GOLGA4: variants seen among roughly 807,000 people sequenced by gnomAD.
The protein encoded by GOLGA4 is golgin A4, also known as golgin subfamily A member 4.
A neutral mutation model predicts 265.9 loss-of-function variants in GOLGA4; 169 were observed. The observed-to-expected ratio is 0.64, with a 90% CI of 0.56 to 0.72. The LOEUF is 0.72. Among genes scored for constraint, GOLGA4 ranks in the 30% least tolerant of loss-of-function variants. GOLGA4 has a pLI of 0.00. For missense variants in GOLGA4, 2,482 were observed against 2,483.4 expected (o/e 1.00, Z 0.01); for synonymous variants, 923 against 855.8 (o/e 1.08, Z -1.37).
At position 37,366,304 on chromosome 3, in the gene GOLGA4, A is replaced by G; in HGVS notation, c.*258A>G. The G allele has an allele frequency of 2.2e-6, 1 of 445,026 alleles. No individual in the cohort carries two copies. The highest frequency in any genetic ancestry group is 3.9e-6 in the Non-Finnish European group (1 of 253,296). 27.6% of individuals were successfully genotyped at this position (445,026 alleles called of 1,614,324 possible). On this transcript the variant is annotated 3_prime_UTR_variant, in exon 24 of 24. Coordinates refer to ENST00000361924, the MANE Select transcript of GOLGA4 (RefSeq NM_002078.5). ...GTTTTTTCTTCAGTTTTCTCTTGGG[A>G]AGAGTTTTATGTTGTTTAAAAGATA...
At chr3:37,330,154 C>T (rs79627507) in intron 16 of GOLGA4, among the ~76,000 whole-genome samples, 5,799 of 150,424 alleles carry the variant, frequency 0.039, 140 homozygotes, top group African/African-American at 0.056. Flanking sequence ...TCTTGAATGC[C>T]TAGAGAGTGT....
At chr3:37,355,568 T>C (rs539730486) in intron 22 of GOLGA4, among the ~76,000 whole-genome samples, 2 of 152,246 alleles carry the variant, frequency 1.3e-5, no homozygotes, top group East Asian at 1.9e-4. Flanking sequence ...CAGTTCTTTA[T>C]TGCATTCCAG....
At chr3:37,307,335 T>C (rs1578612755) in intron 10 of GOLGA4, among the ~76,000 whole-genome samples, 1 of 152,250 alleles carries the variant, frequency 6.6e-6, no homozygotes, top group East Asian at 1.9e-4. Flanking sequence ...TGAAGGACTC[T>C]TTAAAATAGT....
At chr3:37,336,024 A>G (rs2097010778) in intron 17 of GOLGA4, among the ~76,000 whole-genome samples, 1 of 152,230 alleles carries the variant, frequency 6.6e-6, no homozygotes, top group African/African-American at 2.4e-5. Context: ...GTCAGTTACC[A>G]GGTAACAATT....
intron 2 of GOLGA4, among the ~76,000 whole-genome samples, chr3:37,268,514 T>C (rs1177314466): frequency 1.3e-5 from 2 of 152,190 alleles, no homozygotes; most frequent in Non-Finnish European, 2.9e-5. Flanking sequence ...TCATTTGTAT[T>C]GAGTACTTAT....
intron 21 of GOLGA4, among the ~76,000 whole-genome samples, chr3:37,349,932 G>A (rs1194803032): frequency 6.6e-6 from 1 of 152,156 alleles, no homozygotes; most frequent in Non-Finnish European, 1.5e-5. Flanking sequence ...CGTTCTTGTA[G>A]TATGGAGTTA....
At chr3:37,328,634 T>A in intron 15 of GOLGA4, 97 bp downstream of exon 15, 1 of 1,099,222 alleles carries the variant, frequency 9.1e-7, no homozygotes, top group Non-Finnish European at 1.3e-6. Flanking sequence ...ATTAAGTCAT[T>A]AAACTGGGGA....
intron 22 of GOLGA4, 68 bp from the exon 23 acceptor site, chr3:37,361,171 CACAT>C: frequency 3.6e-6 from 4 of 1,117,398 alleles, no homozygotes; most frequent in Non-Finnish European, 5.5e-6. Context: ...ACTTCATATA[CACAT>C]ACAATCTATG....
At chr3:37,353,433 T>G (rs1232561093) in intron 21 of GOLGA4, among the ~76,000 whole-genome samples, 4 of 152,108 alleles carry the variant, frequency 2.6e-5, no homozygotes, top group African/African-American at 9.7e-5. Flanking sequence ...TTTCTAGACT[T>G]CAGTTTAACA....
chr3:37,336,106 C>T (rs1173513852), intron 17 of GOLGA4, among the ~76,000 whole-genome samples: 2 of 152,224 alleles, frequency 1.3e-5, no homozygotes, highest in Non-Finnish European at 2.9e-5. Context: ...AGCTTTGCTA[C>T]TCTGTGTCAC....
chr3:37,358,638 T>C (rs1185337997), intron 22 of GOLGA4, among the ~76,000 whole-genome samples: 2 of 152,210 alleles, frequency 1.3e-5, no homozygotes, highest in Non-Finnish European at 2.9e-5. Context: ...CGCTGAGTGA[T>C]AATGTAGGGA....
intron 3 of GOLGA4, among the ~76,000 whole-genome samples, chr3:37,284,066 A>T (rs2096841705): frequency 6.6e-6 from 1 of 152,158 alleles, no homozygotes; most frequent in Non-Finnish European, 1.5e-5. Context: ...AAAAGAACTC[A>T]TAGACTTTGT....
chr3:37,335,794 T>A (rs1259296499), intron 17 of GOLGA4, among the ~76,000 whole-genome samples: 1 of 151,784 alleles, frequency 6.6e-6, no homozygotes, highest in Non-Finnish European at 1.5e-5. Flanking sequence ...TAAGTAAAAT[T>A]GACACTATGA....
intron 11 of GOLGA4, among the ~76,000 whole-genome samples, chr3:37,317,287 A>G (rs940946185): frequency 6.6e-6 from 1 of 152,098 alleles, no homozygotes; most frequent in Non-Finnish European, 1.5e-5. Context: ...CTCCTGCCTC[A>G]GCCTCCTGAG....
intron 2 of GOLGA4, among the ~76,000 whole-genome samples, chr3:37,261,861 C>G (rs2096770648): frequency 6.6e-6 from 1 of 152,034 alleles, no homozygotes; most frequent in Non-Finnish European, 1.5e-5. Flanking sequence ...GTGATAACCC[C>G]TATATTGCCA....
At chr3:37,318,174 A>G (rs1306183490) in intron 11 of GOLGA4, among the ~76,000 whole-genome samples, 1 of 152,008 alleles carries the variant, frequency 6.6e-6, no homozygotes, top group African/African-American at 2.4e-5. Flanking sequence ...TCTCCAAATC[A>G]TTTATTTAGT....
At chr3:37,333,462 A>G (rs896767698) in intron 16 of GOLGA4, among the ~76,000 whole-genome samples, 8 of 152,192 alleles carry the variant, frequency 5.3e-5, no homozygotes, top group African/African-American at 1.7e-4. Context: ...GAAATGACAC[A>G]TCAAAGATTC....
chr3:37,287,802 T>C (rs554060302), intron 4 of GOLGA4, among the ~76,000 whole-genome samples: 1 of 152,356 alleles, frequency 6.6e-6, no homozygotes, highest in African/African-American at 2.4e-5. Flanking sequence ...GTTTTTGTTT[T>C]ATTCACTTAC....
At chr3:37,354,606 A>G (rs147545022) in intron 21 of GOLGA4, among the ~76,000 whole-genome samples, 113 of 152,184 alleles carry the variant, frequency 7.4e-4, no homozygotes, top group African/African-American at 2.5e-3. Context: ...TTGTATTTCT[A>G]TTAGGTTGAT....
Sources: allele counts gnomAD v4.1 joint callset (sites outside exome capture counted in the v4.1 genomes callset), GRCh38; gene constraint gnomAD v4.1.1; transcripts MANE v1.5; gene names NCBI Gene and HGNC (gene_info 2026-07-23, HGNC 2026-07-21).